Variants in SLC4A8 observed in about 807,000 individuals in gnomAD.
SLC4A8 encodes electroneutral sodium bicarbonate exchanger 1.
SLC4A8 carries 40 observed loss-of-function variants against 125.0 expected under a neutral mutation model. The observed-to-expected ratio is 0.32, with a 90% CI of 0.25 to 0.42. The LOEUF (loss-of-function observed/expected upper bound fraction) is 0.42, where lower values mean the gene tolerates loss of function less well. Ranked by LOEUF, SLC4A8 falls within the 10% of genes least tolerant of loss-of-function variation. The pLI, the probability that SLC4A8 is intolerant of heterozygous loss-of-function variation, is 1.00. For synonymous variants in SLC4A8, 456 were observed against 476.0 expected, an observed-to-expected ratio of 0.96 and a Z score of 0.55; for missense variants, 863 against 1,355.1, an observed-to-expected ratio of 0.64 and a Z score of 5.70.
chr12:51,458,543 T>C lies in SLC4A8; in HGVS notation c.764-16T>C, dbSNP rs2138226437. 1 of 1,598,960 alleles carries C rather than the reference T, an allele frequency of 6.3e-7. No homozygotes were observed. The highest frequency in any genetic ancestry group is 8.6e-7 in the Non-Finnish European group (1 of 1,166,292). The stretch of plus-strand genomic sequence containing the variant: ...AGGGCAGGGACTCAGGATTTTGTTT[T>C]ATTTTCTCCAAATAGGTCAAACCGT... On this transcript the variant is annotated splice_polypyrimidine_tract_variant and intron_variant, in intron 6 of 24. Coordinates refer to ENST00000453097, the MANE Select transcript of SLC4A8 (RefSeq NM_001039960.3).
chr12:51,416,403 G>C (rs1437749984), intron 1 of SLC4A8, among the ~76,000 whole-genome samples: 2 of 152,140 alleles, frequency 1.3e-5, no homozygotes, highest in Non-Finnish European at 2.9e-5. Flanking sequence ...AGCACTTTGG[G>C]AGGACGTGAC....
chr12:51,475,037 T>C lies in SLC4A8; in HGVS notation c.2011-8T>C. 6.2e-7 allele frequency: 1 copy of C among 1,612,236 alleles called. No homozygotes were observed. Among genetic ancestry groups the C allele is most frequent in the South Asian group, 1.1e-5 (1 of 90,718 alleles). ...GCCTTTCATCACCCAGAATGCTTATTCCTCCAGGAATGCCAGGAGATGCAT... is the reference window on the plus strand; with the variant it reads ...GCCTTTCATCACCCAGAATGCTTATCCCTCCAGGAATGCCAGGAGATGCAT... On this transcript the variant is annotated splice_polypyrimidine_tract_variant and splice_region_variant and intron_variant, in intron 15 of 24. Coordinates refer to ENST00000453097, the MANE Select transcript of SLC4A8 (RefSeq NM_001039960.3).
intron 20 of SLC4A8, among the ~76,000 whole-genome samples, chr12:51,494,043 G>GTA (rs1406125552): frequency 6.6e-6 from 1 of 152,150 alleles, no homozygotes; most frequent in Non-Finnish European, 1.5e-5. Flanking sequence ...TTTTTGGCAT[G>GTA]TATTAAACAT....
chr12:51,484,068 T>G (rs1951101200), intron 16 of SLC4A8, among the ~76,000 whole-genome samples: 1 of 152,188 alleles, frequency 6.6e-6, no homozygotes, highest in East Asian at 1.9e-4. Flanking sequence ...GGACATGAAC[T>G]CATCCTTTTT....
At chr12:51,403,235 CTT>C (rs1306849164) in intron 1 of SLC4A8, 1 of 456,964 alleles carries the variant, frequency 2.2e-6, no homozygotes, top group Admixed American at 2.3e-5. Context: ...GATACCTAAA[CTT>C]TACTGAGTTG....
chr12:51,404,735 ACTCC>A (rs1384785228), intron 1 of SLC4A8, among the ~76,000 whole-genome samples: 1 of 151,372 alleles, frequency 6.6e-6, no homozygotes, highest in African/African-American at 2.4e-5. Context: ...TATCTTTTGG[ACTCC>A]TGGGTCCTGC....
At chr12:51,427,999 G>A (rs948408734) in intron 1 of SLC4A8, among the ~76,000 whole-genome samples, 3 of 152,056 alleles carry the variant, frequency 2.0e-5, no homozygotes, top group African/African-American at 4.8e-5. Flanking sequence ...TCAGGCTCTT[G>A]TCCACCCTCC....
At chr12:51,440,256 T>C (rs1469312387) in intron 1 of SLC4A8, among the ~76,000 whole-genome samples, 2 of 152,094 alleles carry the variant, frequency 1.3e-5, no homozygotes, top group Non-Finnish European at 2.9e-5. Context: ...GGCATGAGAT[T>C]TACAGCCACA....
Position 51,512,352 on chromosome 12 carries a change from C to A in SLC4A8, c.*4914C>A, listed in dbSNP as rs563901102. 6.6e-6 allele frequency: 1 copy of A among 152,302 alleles called. No individual in the cohort carries two copies. Among genetic ancestry groups the A allele is most frequent in the South Asian group, 2.1e-4 (1 of 4,818 alleles). The allele number at this position is 152,302 out of a possible 1,614,324, so 9.4% of individuals were successfully genotyped here. On this transcript the variant is annotated 3_prime_UTR_variant, in exon 25 of 25. Coordinates refer to ENST00000453097, the MANE Select transcript of SLC4A8 (RefSeq NM_001039960.3). ...TGCTCCATATCTTGAGGGGAGCTCT[C>A]TTGGTTTCCTTTGGCCGGGTCTGTT...
intron 1 of SLC4A8, chr12:51,392,039 G>A (rs1396498978): frequency 1.3e-5 from 2 of 152,468 alleles, no homozygotes; most frequent in Non-Finnish European, 1.5e-5. Flanking sequence ...TGGGCCCCGG[G>A]GTCCTGCCCC....
intron 1 of SLC4A8, among the ~76,000 whole-genome samples, chr12:51,436,470 A>G (rs1463571630): frequency 6.6e-6 from 1 of 152,138 alleles, no homozygotes; most frequent in Non-Finnish European, 1.5e-5. Context: ...TTAATTTTAC[A>G]TTATGTAAAT....
chr12:51,491,476 G>A (rs1487059601), intron 19 of SLC4A8, among the ~76,000 whole-genome samples: 1 of 152,042 alleles, frequency 6.6e-6, no homozygotes, highest in Non-Finnish European at 1.5e-5. Flanking sequence ...CAAGAAAGAG[G>A]GATTGGGTAG....
At chr12:51,432,594 G>A (rs188752911) in intron 1 of SLC4A8, among the ~76,000 whole-genome samples, 72 of 151,974 alleles carry the variant, frequency 4.7e-4, no homozygotes, top group Middle Eastern at 6.8e-3. Context: ...GTGGTGGTGC[G>A]TGCTTGTAGT....
chr12:51,500,566 C>T (rs1937813484), intron 22 of SLC4A8, among the ~76,000 whole-genome samples: 4 of 151,940 alleles, frequency 2.6e-5, no homozygotes, highest in Admixed American at 2.6e-4. Context: ...ATAGTATTAT[C>T]TCATACTTAA....
At chr12:51,402,671 G>A (rs1221714906) in intron 1 of SLC4A8, among the ~76,000 whole-genome samples, 1 of 152,080 alleles carries the variant, frequency 6.6e-6, no homozygotes, top group Admixed American at 6.5e-5. Context: ...GCAGTGAGCC[G>A]AGACCGCGCC....
At chr12:51,470,291 C>A (rs965913024) in intron 12 of SLC4A8, 101 bp from the exon 13 acceptor site, 1 of 1,021,824 alleles carries the variant, frequency 9.8e-7, no homozygotes, top group Non-Finnish European at 1.5e-6. Context: ...AAGCAAATGG[C>A]CATCAAGGCA....
At position 51,461,243 on chromosome 12, in the gene SLC4A8, GC is replaced by G. The variant is rs1950314410; in HGVS notation, c.1054del (p.Gln352SerfsTer13). On this transcript the variant is annotated frameshift_variant, in exon 9 of 25. Coordinates refer to ENST00000453097, the MANE Select transcript of SLC4A8 (RefSeq NM_001039960.3). LOFTEE classifies it high-confidence loss of function. ...ILLGPVGKGQ[Q>X]YHEIGRSMAT... ...TATTGGGTCCAGTAGGGAAAGGTCAGCAGTACCATGAGATTGGCAGATCCAT... is the reference window on the plus strand; with the variant it reads ...TATTGGGTCCAGTAGGGAAAGGTCAGAGTACCATGAGATTGGCAGATCCAT... 1 of 1,612,904 alleles carries G rather than the reference GC, an allele frequency of 6.2e-7. No individual in the cohort carries two copies. Among genetic ancestry groups the G allele is most frequent in the African/African-American group, 1.3e-5 (1 of 74,824 alleles).
intron 14 of SLC4A8, among the ~76,000 whole-genome samples, chr12:51,471,751 G>A (rs1052941421): frequency 6.6e-6 from 1 of 152,208 alleles, no homozygotes; most frequent in Non-Finnish European, 1.5e-5. Flanking sequence ...ACACGAAGGG[G>A]ACTCAAGAAA....
At chr12:51,448,749 G>T (rs1433147457) in intron 2 of SLC4A8, among the ~76,000 whole-genome samples, 3 of 152,172 alleles carry the variant, frequency 2.0e-5, no homozygotes, top group African/African-American at 4.8e-5. Context: ...AGATGATAGA[G>T]ATTTGGTGAA....
Sources: gnomAD v4.1 joint callset for allele counts (sites outside exome capture counted in the v4.1 genomes callset) on GRCh38, gnomAD v4.1.1 for gene constraint, MANE v1.5 for transcripts, NCBI Gene and HGNC (gene_info 2026-07-23, HGNC 2026-07-21) for gene names.